Variants in SEMA3D observed in about 807,000 individuals in gnomAD.
SEMA3D encodes semaphorin-3D.
Under a neutral mutation model 100.1 loss-of-function variants are expected in SEMA3D, and 84 were observed. The ratio of observed to expected loss-of-function variants is 0.84; its 90% CI spans 0.70 to 1.01. SEMA3D has a LOEUF of 1.01. Among genes scored for constraint, SEMA3D ranks in the 50% least tolerant of loss-of-function variants. The pLI is 0.00. For synonymous variants in SEMA3D, 312 were observed against 320.7 expected (o/e 0.97, Z 0.29); for missense variants, 875 against 934.1 (o/e 0.94, Z 0.82).
chr7:85,235,219 C>T, the SEMA3D span, among the ~76,000 whole-genome samples: 1 of 152,124 alleles, frequency 6.6e-6, no homozygotes, highest in African/African-American at 2.4e-5. Context: ...CATATATATA[C>T]TTATATACAC....
At chr7:85,067,544 C>A (rs1791661279) in intron 7 of SEMA3D, among the ~76,000 whole-genome samples, 1 of 149,752 alleles carries the variant, frequency 6.7e-6, no homozygotes. Flanking sequence ...GAAGTCATGA[C>A]CAAACCAAGA....
the SEMA3D span, among the ~76,000 whole-genome samples, chr7:85,218,160 CAT>C: frequency 2.0e-5 from 3 of 151,984 alleles, no homozygotes; most frequent in African/African-American, 4.8e-5. Context: ...AGATAAGAAA[CAT>C]ATCATTTCTG....
the SEMA3D span, among the ~76,000 whole-genome samples, chr7:85,222,249 T>C: frequency 3.9e-5 from 6 of 152,018 alleles, no homozygotes; most frequent in South Asian, 8.3e-4. Flanking sequence ...AAAGCTGTTT[T>C]CAAAGTAGCT....
intron 13 of SEMA3D, among the ~76,000 whole-genome samples, chr7:85,021,949 C>A (rs1360405986): frequency 6.6e-6 from 1 of 151,720 alleles, no homozygotes; most frequent in Non-Finnish European, 1.5e-5. Flanking sequence ...CAAGAAGTTT[C>A]TATTTAAAGG....
chr7:85,106,601 A>G (rs962238720), intron 3 of SEMA3D, among the ~76,000 whole-genome samples: 1 of 152,150 alleles, frequency 6.6e-6, no homozygotes, highest in African/African-American at 2.4e-5. Context: ...GAAACTTCTC[A>G]ATTGTGACAG....
At chr7:85,128,064 G>A (rs1382025846) in intron 2 of SEMA3D, among the ~76,000 whole-genome samples, 3 of 151,712 alleles carry the variant, frequency 2.0e-5, no homozygotes, top group African/African-American at 7.3e-5. Flanking sequence ...GAATAAAGCA[G>A]AGTAGGAATT....
the SEMA3D span, among the ~76,000 whole-genome samples, chr7:85,196,651 G>C: frequency 2.0e-5 from 3 of 152,146 alleles, no homozygotes; most frequent in African/African-American, 7.2e-5. Context: ...ATAAAGACTA[G>C]AAAAGACTTT....
intron 1 of SEMA3D, among the ~76,000 whole-genome samples, chr7:85,171,762 T>C (rs1045702624): frequency 6.6e-6 from 1 of 151,900 alleles, no homozygotes; most frequent in Non-Finnish European, 1.5e-5. Context: ...TTCACTAAAG[T>C]AATAAATAAA....
At chr7:85,189,907 G>T (rs919042393), upstream of SEMA3D, among the ~76,000 whole-genome samples, 2 of 152,164 alleles carry the variant, frequency 1.3e-5, no homozygotes, top group Non-Finnish European at 2.9e-5. Flanking sequence ...CAAATCCAAA[G>T]AATAAAATTC....
intron 2 of SEMA3D, among the ~76,000 whole-genome samples, chr7:85,132,375 T>C (rs1024498582): frequency 3.3e-5 from 5 of 151,838 alleles, no homozygotes; most frequent in Non-Finnish European, 1.5e-5. Flanking sequence ...AGGTTAAACA[T>C]AAAAAAATAC....
intron 3 of SEMA3D, among the ~76,000 whole-genome samples, chr7:85,099,249 G>A (rs1248097941): frequency 1.3e-5 from 2 of 151,824 alleles, no homozygotes; most frequent in Non-Finnish European, 2.9e-5. Context: ...GACCCGGTGG[G>A]AGATCATTGA....
chr7:85,127,452 C>A, intron 2 of SEMA3D, among the ~76,000 whole-genome samples: 1 of 151,980 alleles, frequency 6.6e-6, no homozygotes, highest in East Asian at 1.9e-4. Context: ...CTAATGAATT[C>A]AACAGAAAAT....
chr7:85,237,770 G>C, the SEMA3D span, among the ~76,000 whole-genome samples: 29 of 152,184 alleles, frequency 1.9e-4, no homozygotes, highest in Non-Finnish European at 3.1e-4. Context: ...TTTTGTGTGA[G>C]CGTAAGTTTT....
At chr7:85,001,953 TGTG>T (rs1554331735) in intron 18 of SEMA3D, among the ~76,000 whole-genome samples, 9 of 152,196 alleles carry the variant, frequency 5.9e-5, no homozygotes, top group Non-Finnish European at 1.3e-4. Context: ...TTACATTTAA[TGTG>T]GCTTTTAGAG....
chr7:85,118,674 T>A (rs1168417000), intron 3 of SEMA3D, among the ~76,000 whole-genome samples: 1 of 152,198 alleles, frequency 6.6e-6, no homozygotes, highest in Non-Finnish European at 1.5e-5. Context: ...ATTAGATGTT[T>A]GTCAGGTGCA....
the SEMA3D span, among the ~76,000 whole-genome samples, chr7:85,229,683 T>C: frequency 6.6e-6 from 1 of 152,118 alleles, no homozygotes; most frequent in African/African-American, 2.4e-5. Flanking sequence ...TGGAAATGAT[T>C]AGATACAAAT....
chr7:85,049,006 G>A (rs1478103648), intron 9 of SEMA3D, among the ~76,000 whole-genome samples: 1 of 151,510 alleles, frequency 6.6e-6, no homozygotes, highest in African/African-American at 2.4e-5. Context: ...GCTCTTTACT[G>A]TTTTCAAAAG....
intron 11 of SEMA3D, among the ~76,000 whole-genome samples, chr7:85,037,785 T>C (rs1394465490): frequency 6.6e-6 from 1 of 152,100 alleles, no homozygotes; most frequent in South Asian, 2.1e-4. Context: ...TACTAAAAAT[T>C]AACACTATTC....
At chr7:85,250,110 C>T in the SEMA3D span, among the ~76,000 whole-genome samples, 747 of 152,138 alleles carry the variant, frequency 4.9e-3, 10 homozygotes, top group African/African-American at 0.017. Context: ...GGGTGAAGGA[C>T]GCACCTGGAG....
Sources: allele counts gnomAD v4.1 joint callset (sites outside exome capture counted in the v4.1 genomes callset), GRCh38; gene constraint gnomAD v4.1.1; transcripts MANE v1.5; gene names NCBI Gene and HGNC (gene_info 2026-07-23, HGNC 2026-07-21).